Variants in FAM149A observed in about 807,000 individuals in gnomAD.
The protein encoded by FAM149A is protein FAM149A.
Under a neutral mutation model 78.2 loss-of-function variants are expected in FAM149A, and 71 were observed. That is an observed-to-expected ratio of 0.91 (90% CI 0.75 to 1.11). FAM149A has a LOEUF of 1.11. Among genes scored for constraint, FAM149A ranks in the 50% least tolerant of loss-of-function variants. FAM149A has a pLI of 0.00. For missense variants in FAM149A, 1,036 were observed against 971.0 expected, an observed-to-expected ratio of 1.07 and a Z score of -0.89; for synonymous variants, 446 against 410.5, an observed-to-expected ratio of 1.09 and a Z score of -1.04.
At chr4:186,147,997 C>T (rs978662972) in intron 1 of FAM149A, among the ~76,000 whole-genome samples, 2 of 152,306 alleles carry the variant, frequency 1.3e-5, no homozygotes, top group South Asian at 2.1e-4. Context: ...TAGATGTTCT[C>T]GCCAATCTGT....
intron 1 of FAM149A, chr4:186,131,903 A>T (rs997364539): frequency 4.1e-5 from 40 of 985,364 alleles, no homozygotes; most frequent in Non-Finnish European, 4.8e-5. Context: ...AAGGTTTTAA[A>T]TGACCCCAAA....
chr4:186,123,310 TTTCTC>T lies in FAM149A; in HGVS notation c.566+17670_566+17674del, dbSNP rs1318791823. The T allele has an allele frequency of 1.0e-4, 100 of 985,334 alleles. 1 individual carries two copies. The African/African-American group carries it at 1.6e-3, about 15-fold the overall frequency. The allele number at this position is 985,334 out of a possible 1,614,324, so 61.0% of individuals were successfully genotyped here. ...TTATGTAGTTTATACAGTTAAAAGATTTCTCTAGTCATTGCAAGTTTTCTTGTCTG... is the reference window on the plus strand; with the variant it reads ...TTATGTAGTTTATACAGTTAAAAGATTAGTCATTGCAAGTTTTCTTGTCTG... On this transcript the variant is annotated intron_variant, in intron 1 of 13. Coordinates refer to ENST00000389354, the MANE Select transcript of FAM149A (RefSeq NM_001367768.3).
Position 186,105,396 on chromosome 4 carries a change from C to A in FAM149A, c.320C>A (p.Pro107Gln). ...AGTAGCCCTAGAGCGGGTAAAGCCC[C>A]GCCCCAGCCCCCCACTCCCTCCGGC... The change falls in exon 1 of 14, where the codon CCG (proline) becomes CAG (glutamine). Residue 107 changes from proline (P) to glutamine (Q), a missense_variant. Physicochemically the swap from Pro to Gln is moderately conservative, Grantham distance 76. This residue lies in a region of FAM149A where 316 missense variants were observed against 241.9 expected (regional missense o/e 1.31). Coordinates refer to ENST00000389354, the MANE Select transcript of FAM149A (RefSeq NM_001367768.3). 1 of 1,180,556 alleles carries A rather than the reference C, an allele frequency of 8.5e-7. No homozygotes were observed. Among genetic ancestry groups the A allele is most frequent in the South Asian group, 1.5e-5 (1 of 64,812 alleles). The allele number at this position is 1,180,556 out of a possible 1,614,324, so 73.1% of individuals were successfully genotyped here.
chr4:186,132,988 G>A, intron 1 of FAM149A: 2 of 985,344 alleles, frequency 2.0e-6, no homozygotes, highest in East Asian at 2.3e-4. Context: ...TTGACGCTGT[G>A]CTCTGAGACG....
At chr4:186,137,425 A>G (rs1352178359) in intron 1 of FAM149A, among the ~76,000 whole-genome samples, 2 of 152,146 alleles carry the variant, frequency 1.3e-5, no homozygotes, top group Non-Finnish European at 2.9e-5. Flanking sequence ...ATGGTATGAT[A>G]TGTGCATGGT....
intron 1 of FAM149A, chr4:186,116,788 T>G: frequency 1.0e-6 from 1 of 980,978 alleles, no homozygotes; most frequent in Non-Finnish European, 1.2e-6. Flanking sequence ...GTTTTTTTGC[T>G]GTGTGTTTAA....
At chr4:186,148,940 C>A (rs1168126337) in intron 1 of FAM149A, among the ~76,000 whole-genome samples, 2 of 151,358 alleles carry the variant, frequency 1.3e-5, no homozygotes, top group East Asian at 3.9e-4. Context: ...TTAATGGCAA[C>A]CTTGATTTTA....
intron 1 of FAM149A, among the ~76,000 whole-genome samples, chr4:186,120,976 C>T (rs1052424395): frequency 6.7e-6 from 1 of 150,104 alleles, no homozygotes; most frequent in African/African-American, 2.4e-5. Context: ...GCCCCAGCCT[C>T]CCTAATATTC....
intron 1 of FAM149A, among the ~76,000 whole-genome samples, chr4:186,139,864 T>C (rs187670943): frequency 1.3e-5 from 2 of 152,344 alleles, no homozygotes; most frequent in East Asian, 3.9e-4. Context: ...TCAGTTTATA[T>C]GATACCCATG....
chr4:186,163,458 G>A lies in FAM149A; in HGVS notation c.1714G>A (p.Ala572Thr), dbSNP rs763340127. 1.9e-6 allele frequency: 3 copies of A among 1,613,882 alleles called. No individual in the cohort carries two copies. Among genetic ancestry groups the A allele is most frequent in the Non-Finnish European group, 2.5e-6 (3 of 1,179,990 alleles). The change falls in exon 10 of 14, where the codon GCA (alanine) becomes ACA (threonine). Residue 572 changes from alanine to threonine, a missense_variant. Around this residue, in one of 3 missense-constraint regions of FAM149A, gnomAD observed 716 missense variants for 711.8 expected, o/e 1.01. Coordinates refer to ENST00000389354, the MANE Select transcript of FAM149A (RefSeq NM_001367768.3). ...GGAGGACAAAGCATCGGGTGGAGGGGCAGGTGCTCTCTCCTCCGCACCGCA... is the reference window on the plus strand; with the variant it reads ...GGAGGACAAAGCATCGGGTGGAGGGACAGGTGCTCTCTCCTCCGCACCGCA...
intron 1 of FAM149A, among the ~76,000 whole-genome samples, chr4:186,140,441 C>CTTTTTT (rs67506672): frequency 2.4e-4 from 25 of 104,976 alleles, no homozygotes; most frequent in African/African-American, 5.6e-4. Flanking sequence ...ACACACCTAG[C>CTTTTTT]TTTTTTTTTT....
At chr4:186,109,207 A>G (rs2099310202) in intron 1 of FAM149A, 3 of 984,746 alleles carry the variant, frequency 3.0e-6, no homozygotes, top group Middle Eastern at 5.2e-4. Flanking sequence ...TAAGGTGGAT[A>G]GATAGATAAT....
Position 186,144,948 on chromosome 4 carries a change from CGCG to C in FAM149A, c.567-4223_567-4221del, listed in dbSNP as rs1290244527. 5 of 876,412 alleles carry C rather than the reference CGCG, an allele frequency of 5.7e-6. No individual in the cohort carries two copies. In the African/African-American group the frequency reaches 2.5e-4, roughly 43 times the overall value. 54.3% of individuals were successfully genotyped at this position (876,412 alleles called of 1,614,324 possible). ...CGGCGGGCGCGGGCGCGGGCGCGGG[CGCG>C]GGCGCGGGCGGGTGGGGAGCCCCAG... On this transcript the variant is annotated intron_variant, in intron 1 of 13. Transcript: ENST00000389354. The surrounding 1 kb of genome is among the most constrained non-coding windows in gnomAD (Gnocchi z 4.2).
intron 1 of FAM149A, chr4:186,125,350 C>G: frequency 1.0e-6 from 1 of 984,738 alleles, no homozygotes; most frequent in South Asian, 4.7e-5. Context: ...GCCTGCTACA[C>G]CCACATCCCC....
At position 186,163,626 on chromosome 4, in the gene FAM149A, AC is replaced by A. The variant is rs1734790433; in HGVS notation, c.1883del (p.Thr628LysfsTer25). On this transcript the variant is annotated frameshift_variant, in exon 10 of 14. Transcript: ENST00000389354. LOFTEE classifies it high-confidence loss of function. ...CTATAGTGACGAAGTTCTTCGGGGA[AC>A]AAAACTGTGAGTCTCATTTCTTTCA... is the stretch of plus-strand genomic sequence containing the variant. 6.2e-7 allele frequency: 1 copy of A among 1,612,812 alleles called. No individual in the cohort carries two copies. The highest frequency in any genetic ancestry group is 1.3e-5 in the African/African-American group (1 of 74,920).
chr4:186,124,630 A>G (rs1307998707), intron 1 of FAM149A, among the ~76,000 whole-genome samples: 1 of 152,174 alleles, frequency 6.6e-6, no homozygotes, highest in Non-Finnish European at 1.5e-5. Context: ...TCCATGGTGT[A>G]TATGTGCCAC....
chr4:186,129,111 CTGTGTA>C (rs1488728782), intron 1 of FAM149A, among the ~76,000 whole-genome samples: 12 of 148,894 alleles, frequency 8.1e-5, no homozygotes, highest in Admixed American at 7.4e-4. Flanking sequence ...CTCTCTGTGT[CTGTGTA>C]TGAGTGTGTA....
At chr4:186,128,632 A>G (rs1249327345) in intron 1 of FAM149A, among the ~76,000 whole-genome samples, 1 of 152,184 alleles carries the variant, frequency 6.6e-6, no homozygotes, top group Admixed American at 6.5e-5. Flanking sequence ...TATATTTCAG[A>G]GCTCATGGTT....
chr4:186,150,395 T>TTCTCTCTCTCTC (rs1228516202), intron 3 of FAM149A, among the ~76,000 whole-genome samples: 35 of 125,456 alleles, frequency 2.8e-4, no homozygotes, highest in African/African-American at 9.1e-4. Flanking sequence ...CTTGCTTGCT[T>TTCTCTCTCTCTC]TCTCTCTCTC....
Sources: allele counts gnomAD v4.1 joint callset (sites outside exome capture counted in the v4.1 genomes callset), GRCh38; gene constraint gnomAD v4.1.1; regional missense constraint gnomAD v4.1.1; non-coding constraint Gnocchi (gnomAD v3.1); transcripts MANE v1.5; gene names NCBI Gene and HGNC (gene_info 2026-07-23, HGNC 2026-07-21).